PRDM5: variants seen among roughly 807,000 people sequenced by gnomAD.
PRDM5 encodes the protein PR/SET domain 5.
Under a neutral mutation model 81.2 loss-of-function variants are expected in PRDM5, and 56 were observed. The ratio of observed to expected loss-of-function variants is 0.69; its 90% CI spans 0.56 to 0.86. The LOEUF (loss-of-function observed/expected upper bound fraction) is 0.86, where lower values mean the gene tolerates loss of function less well. Among genes scored for constraint, PRDM5 ranks in the 40% least tolerant of loss-of-function variants. The probability of loss-of-function intolerance (pLI) is 0.00; values close to 1 mark genes in which losing one functional copy is unlikely to be tolerated. For missense variants in PRDM5, 697 were observed against 770.1 expected, an observed-to-expected ratio of 0.91 and a Z score of 1.12; for synonymous variants, 267 against 256.4, an observed-to-expected ratio of 1.04 and a Z score of -0.39.
At chr4:120,751,294 CTG>C (rs1743969767) in intron 14 of PRDM5, among the ~76,000 whole-genome samples, 2 of 152,040 alleles carry the variant, frequency 1.3e-5, no homozygotes, top group Admixed American at 6.6e-5. Flanking sequence ...AATAGGCAGA[CTG>C]AGCACAACAG....
intron 3 of PRDM5, among the ~76,000 whole-genome samples, chr4:120,842,264 T>A (rs777584986): frequency 5.9e-5 from 9 of 152,338 alleles, no homozygotes; most frequent in Non-Finnish European, 7.4e-5. Flanking sequence ...TACTCAGCAC[T>A]CACAGAGTAA....
intron 13 of PRDM5, among the ~76,000 whole-genome samples, chr4:120,761,765 C>A (rs1745645383): frequency 6.6e-6 from 1 of 152,126 alleles, no homozygotes; most frequent in South Asian, 2.1e-4. Context: ...TCTTGATAAT[C>A]TTAAATTAGA....
rs142434602 is a variant in PRDM5 at position 120,724,183 on chromosome 4, T to A, written c.1624-13770A>T. Among the ~76,000 whole-genome samples the A allele has an allele frequency of 2.6e-5, 4 of 152,298 alleles. No individual in the cohort carries two copies. The East Asian group carries it at 7.7e-4, about 29-fold the overall frequency. On this transcript the variant is annotated intron_variant, in intron 14 of 15. Coordinates refer to ENST00000264808, the MANE Select transcript of PRDM5 (RefSeq NM_018699.4). ...ACAGCAATCAAGATAATTCCCATGA[T>A]TAGATGATGTCATTGAGAGTAATTT...
intron 14 of PRDM5, among the ~76,000 whole-genome samples, chr4:120,749,915 T>A (rs1266760245): frequency 6.6e-6 from 1 of 151,942 alleles, no homozygotes; most frequent in Non-Finnish European, 1.5e-5. Context: ...ACTCTAAAGA[T>A]ATGAGGTGGA....
chr4:120,889,082 C>A (rs1597491), intron 2 of PRDM5, among the ~76,000 whole-genome samples: 11,301 of 152,024 alleles, frequency 0.074, 546 homozygotes, highest in Middle Eastern at 0.19. Context: ...TTAGTGTTCA[C>A]CAATTTATCA....
chr4:120,736,373 C>A (rs1029903750), intron 14 of PRDM5, among the ~76,000 whole-genome samples: 1 of 152,020 alleles, frequency 6.6e-6, no homozygotes, highest in African/African-American at 2.4e-5. Context: ...TTCATTTGGA[C>A]AGGCACCCAC....
chr4:120,887,786 CTTTTTT>C lies in PRDM5; in HGVS notation c.177+19682_177+19687del, dbSNP rs773355512. On this transcript the variant is annotated intron_variant, in intron 2 of 15. Transcript: ENST00000264808. ...AAACCCACAGCCTAGACATTTTATCCTTTTTTTTTTTTTTTTTTTTTTTTGAGACGG... is the reference window on the plus strand; with the variant it reads ...AAACCCACAGCCTAGACATTTTATCCTTTTTTTTTTTTTTTTTTGAGACGG... Among the ~76,000 whole-genome samples the C allele has an allele frequency of 1.4e-4, 12 of 85,184 alleles. 1 individual carries two copies. Among genetic ancestry groups the C allele is most frequent in the Admixed American group, 3.9e-4 (3 of 7,632 alleles). 55.9% of individuals were successfully genotyped at this position (85,184 alleles called of 152,430 possible).
intron 14 of PRDM5, among the ~76,000 whole-genome samples, chr4:120,733,359 T>C (rs1740549150): frequency 6.6e-6 from 1 of 152,130 alleles, no homozygotes; most frequent in Admixed American, 6.6e-5. Context: ...AACGCACACC[T>C]TGGGCTCTCT....
chr4:120,802,671 G>A (rs1215904920), intron 8 of PRDM5, among the ~76,000 whole-genome samples: 2 of 152,146 alleles, frequency 1.3e-5, no homozygotes, highest in Non-Finnish European at 2.9e-5. Context: ...AAAACTAACA[G>A]ACAGAAAGGA....
At position 120,818,513 on chromosome 4, in the gene PRDM5, T is replaced by C; in HGVS notation, c.490A>G (p.Lys164Glu). ...CATTGAGGACAAGCATAGTCCTCTT[T>C]ACAGCCAAGGCGATCTGCACATTCA... The part of the protein sequence containing the change: ...TAGRKDRLGC[K>E]EDYACPQCES... The change falls in exon 5 of 16, where the codon AAA becomes GAA. Residue 164 changes from lysine (K) to glutamate (E), a missense_variant. By Grantham distance (56) the Lys-to-Glu change is moderately conservative. Around this residue, in one of 3 missense-constraint regions of PRDM5, gnomAD observed 577 missense variants for 606.7 expected, o/e 0.95. Coordinates refer to ENST00000264808, the MANE Select transcript of PRDM5 (RefSeq NM_018699.4). 6.2e-7 allele frequency: 1 copy of C among 1,613,376 alleles called. No individual in the cohort carries two copies. The highest frequency in any genetic ancestry group is 8.5e-7 in the Non-Finnish European group (1 of 1,179,328).
At chr4:120,762,663 A>C (rs1745796570) in intron 13 of PRDM5, 1 of 152,196 alleles carries the variant, frequency 6.6e-6, no homozygotes, top group South Asian at 2.1e-4. Flanking sequence ...AGAGAAGTGA[A>C]ATGCTACACT....
At chr4:120,829,042 G>T (rs1756379630) in intron 3 of PRDM5, among the ~76,000 whole-genome samples, 2 of 152,120 alleles carry the variant, frequency 1.3e-5, no homozygotes, top group South Asian at 4.2e-4. Flanking sequence ...ACATATAGAG[G>T]CTGATCTGAT....
intron 2 of PRDM5, among the ~76,000 whole-genome samples, chr4:120,880,886 C>T (rs1171476813): frequency 6.6e-6 from 1 of 152,092 alleles, no homozygotes; most frequent in Non-Finnish European, 1.5e-5. Context: ...GTAAATTTAT[C>T]AACTCTGGGT....
rs1748309096 is a variant in PRDM5 at position 120,777,269 on chromosome 4, C to T, written c.1456G>A (p.Glu486Lys). 6.2e-7 allele frequency: 1 copy of T among 1,613,160 alleles called. No individual in the cohort carries two copies. The highest frequency in any genetic ancestry group is 1.3e-5 in the African/African-American group (1 of 74,842). Residue 486 changes from glutamate to lysine, a missense_variant, in exon 13 of 16, where the codon GAA (glutamate) becomes AAA (lysine). Around this residue, in one of 3 missense-constraint regions of PRDM5, gnomAD observed 577 missense variants for 606.7 expected, o/e 0.95. Transcript: ENST00000264808. Reference sequence around the variant, plus strand: ...CAATATGGACAGATTTTCTCCTTTTCTCCTGTATGTGTCTAAAAGGAAAGG... The same window carrying T: ...CAATATGGACAGATTTTCTCCTTTTTTCCTGTATGTGTCTAAAAGGAAAGG... ...LRSHKKTHTG[E>K]KEKICPYCGQ...
intron 2 of PRDM5, among the ~76,000 whole-genome samples, chr4:120,904,201 A>AAAAAAAAAAAAAAC (rs1561675932): frequency 6.9e-6 from 1 of 144,650 alleles, no homozygotes; most frequent in Non-Finnish European, 1.5e-5. Context: ...AAAAAAAAAA[A>AAAAAAAAAAAAAAC]AAAACAAAAA....
At chr4:120,783,184 G>A (rs1284843358) in intron 11 of PRDM5, among the ~76,000 whole-genome samples, 3 of 152,104 alleles carry the variant, frequency 2.0e-5, no homozygotes, top group South Asian at 2.1e-4. Context: ...TGCATAAGAC[G>A]TAGTATTTTG....
At chr4:120,906,928 A>G (rs1765861458) in intron 2 of PRDM5, among the ~76,000 whole-genome samples, 1 of 151,726 alleles carries the variant, frequency 6.6e-6, no homozygotes, top group African/African-American at 2.4e-5. Context: ...ATACCTGAAA[A>G]ACTTATTTTT....
chr4:120,778,127 C>T (rs1375972819), intron 12 of PRDM5, among the ~76,000 whole-genome samples: 1 of 152,004 alleles, frequency 6.6e-6, no homozygotes, highest in East Asian at 1.9e-4. Flanking sequence ...GAAAGCAATT[C>T]CTTCAGGTAT....
chr4:120,850,665 TA>T (rs1759156924), intron 3 of PRDM5, among the ~76,000 whole-genome samples: 1 of 152,162 alleles, frequency 6.6e-6, no homozygotes, highest in Non-Finnish European at 1.5e-5. Context: ...ACTTAGATTA[TA>T]ATTCAAGAGT....
Sources: gnomAD v4.1 joint callset for allele counts (sites outside exome capture counted in the v4.1 genomes callset) on GRCh38, gnomAD v4.1.1 for gene constraint, gnomAD v4.1.1 regional missense constraint, MANE v1.5 for transcripts, NCBI Gene and HGNC (gene_info 2026-07-23, HGNC 2026-07-21) for gene names.